MLLT3: variants seen among roughly 807,000 people sequenced by gnomAD.
MLLT3 encodes protein AF-9.
MLLT3 carries 4 observed loss-of-function variants against 53.2 expected under a neutral mutation model. That is an observed-to-expected ratio of 0.08 (90% CI 0.04 to 0.17). MLLT3 has a LOEUF of 0.17. Among genes scored for constraint, MLLT3 ranks in the 10% least tolerant of loss-of-function variants. The pLI is 1.00. For missense variants in MLLT3, 569 were observed against 684.0 expected (o/e 0.83, Z 1.87); for synonymous variants, 283 against 230.6 (o/e 1.23, Z -2.06).
intron 4 of MLLT3, among the ~76,000 whole-genome samples, chr9:20,447,854 G>C (rs1455304814): frequency 6.6e-6 from 1 of 151,636 alleles, no homozygotes; most frequent in Admixed American, 6.6e-5. Context: ...TTTGTTTTGG[G>C]GTTTTGTCAT....
At chr9:20,482,736 G>T (rs1429505554) in intron 2 of MLLT3, among the ~76,000 whole-genome samples, 1 of 152,080 alleles carries the variant, frequency 6.6e-6, no homozygotes, top group Non-Finnish European at 1.5e-5. Context: ...TTAGCGGATT[G>T]TTTTCATTTC....
At chr9:20,604,869 C>T (rs1563840414) in intron 2 of MLLT3, among the ~76,000 whole-genome samples, 1 of 152,084 alleles carries the variant, frequency 6.6e-6, no homozygotes, top group Non-Finnish European at 1.5e-5. Context: ...CAATGTTAAA[C>T]TTTTATTCAC....
At chr9:20,577,073 C>CT (rs1220537073) in intron 2 of MLLT3, among the ~76,000 whole-genome samples, 2 of 152,172 alleles carry the variant, frequency 1.3e-5, no homozygotes, top group Non-Finnish European at 2.9e-5. Context: ...TGTCCAATGT[C>CT]TATTATCTTG....
At chr9:20,426,523 G>A (rs1823142266) in intron 4 of MLLT3, among the ~76,000 whole-genome samples, 1 of 152,028 alleles carries the variant, frequency 6.6e-6, no homozygotes, top group South Asian at 2.1e-4. Flanking sequence ...ATAAATAAAA[G>A]CCCAAAGAGA....
chr9:20,581,497 C>G (rs929578940), intron 2 of MLLT3, among the ~76,000 whole-genome samples: 2 of 152,146 alleles, frequency 1.3e-5, no homozygotes, highest in African/African-American at 4.8e-5. Context: ...AATAAGTCTT[C>G]CCTAATTCAC....
At chr9:20,412,510 G>T (rs780255383) in intron 5 of MLLT3, among the ~76,000 whole-genome samples, 19 of 152,176 alleles carry the variant, frequency 1.2e-4, no homozygotes, top group African/African-American at 2.2e-4. Flanking sequence ...TCAGCACCAT[G>T]TCCTGACCCT....
At chr9:20,458,513 A>C (rs1276004276) in intron 2 of MLLT3, among the ~76,000 whole-genome samples, 4 of 152,208 alleles carry the variant, frequency 2.6e-5, no homozygotes, top group East Asian at 1.9e-4. Context: ...TAAACCTCGT[A>C]AACTGAAATC....
At chr9:20,441,414 G>A (rs1285277871) in intron 4 of MLLT3, among the ~76,000 whole-genome samples, 1 of 152,162 alleles carries the variant, frequency 6.6e-6, no homozygotes, top group African/African-American at 2.4e-5. Flanking sequence ...CATTACATTT[G>A]GAATTAAGGC....
rs556060134 is a variant in MLLT3, at chr9:20,518,537, C to G, written c.194-61751G>C. Among the ~76,000 whole-genome samples, 40 of 152,208 alleles carry G rather than the reference C, an allele frequency of 2.6e-4. No homozygotes were observed. In the South Asian group the frequency reaches 7.7e-3, roughly 29 times the overall value. On this transcript the variant is annotated intron_variant, in intron 2 of 10. Transcript: ENST00000380338. ...AATTTTAAGCACAAACAAGATATCA[C>G]GCAATCTCAAAGTATCTCTCCCAAG...
intron 2 of MLLT3, among the ~76,000 whole-genome samples, chr9:20,465,216 A>G (rs1380388438): frequency 6.6e-6 from 1 of 152,006 alleles, no homozygotes; most frequent in East Asian, 1.9e-4. Flanking sequence ...AAAAAATTAC[A>G]TGGTTCAGGA....
intron 3 of MLLT3, among the ~76,000 whole-genome samples, chr9:20,452,680 T>C (rs1325187039): frequency 6.6e-6 from 1 of 152,172 alleles, no homozygotes; most frequent in Non-Finnish European, 1.5e-5. Context: ...TTTTTACCAA[T>C]GGATCATTTC....
At chr9:20,406,459 A>G (rs1822580011) in intron 5 of MLLT3, among the ~76,000 whole-genome samples, 1 of 152,222 alleles carries the variant, frequency 6.6e-6, no homozygotes, top group African/African-American at 2.4e-5. Flanking sequence ...CATTAAACAC[A>G]TCTAGAAGAA....
At chr9:20,619,129 C>G (rs936454468) in intron 2 of MLLT3, among the ~76,000 whole-genome samples, 1 of 152,164 alleles carries the variant, frequency 6.6e-6, no homozygotes, top group Non-Finnish European at 1.5e-5. Context: ...AATTTGACAT[C>G]GCTCATCCTT....
At chr9:20,392,753 C>T (rs2118724843) in intron 5 of MLLT3, among the ~76,000 whole-genome samples, 1 of 152,270 alleles carries the variant, frequency 6.6e-6, no homozygotes, top group South Asian at 2.1e-4. Flanking sequence ...AGGCAAAGCC[C>T]TGTAACCCTC....
At chr9:20,439,296 C>T (rs1389086999) in intron 4 of MLLT3, among the ~76,000 whole-genome samples, 1 of 152,038 alleles carries the variant, frequency 6.6e-6, no homozygotes, top group African/African-American at 2.4e-5. Flanking sequence ...GCAGAGGCTG[C>T]AGTTATCCGC....
At chr9:20,439,974 T>C (rs566397378) in intron 4 of MLLT3, among the ~76,000 whole-genome samples, 37 of 152,318 alleles carry the variant, frequency 2.4e-4, no homozygotes, top group Non-Finnish European at 4.7e-4. Context: ...ATTATTATTA[T>C]GTCAAATCCT....
At chr9:20,452,909 T>A (rs530590907) in intron 3 of MLLT3, among the ~76,000 whole-genome samples, 1 of 152,318 alleles carries the variant, frequency 6.6e-6, no homozygotes, top group Admixed American at 6.5e-5. Flanking sequence ...TTCAATTAAG[T>A]AAGATGAATA....
chr9:20,344,887 C>T lies in MLLT3; in HGVS notation c.*1556G>A, dbSNP rs1820825925. Reference sequence around the variant, plus strand: ...AACAAGGGAGATACTGGTCTATTAGCACACATAGAGACTTTCTTAAGGCTG... The same window carrying T: ...AACAAGGGAGATACTGGTCTATTAGTACACATAGAGACTTTCTTAAGGCTG... On this transcript the variant is annotated 3_prime_UTR_variant, in exon 11 of 11. Transcript: ENST00000380338. 1.9e-5 allele frequency: 4 copies of T among 212,224 alleles called. No homozygotes were observed. The South Asian group carries it at 5.6e-4, about 30-fold the overall frequency. The allele number at this position is 212,224 out of a possible 1,614,324, so 13.1% of individuals were successfully genotyped here. A position where few individuals can be genotyped will look rare whatever the true frequency, so the allele number is the denominator to read the frequency against.
intron 4 of MLLT3, among the ~76,000 whole-genome samples, chr9:20,429,198 C>T (rs758455899): frequency 3.3e-5 from 5 of 151,924 alleles, no homozygotes; most frequent in Non-Finnish European, 7.4e-5. Context: ...CAAGACCCCA[C>T]TGCTAAAAAA....
Sources: gnomAD v4.1 joint callset for allele counts (sites outside exome capture counted in the v4.1 genomes callset) on GRCh38, gnomAD v4.1.1 for gene constraint, MANE v1.5 for transcripts, NCBI Gene and HGNC (gene_info 2026-07-23, HGNC 2026-07-21) for gene names.